TCP11L1: variants seen among roughly 807,000 people sequenced by gnomAD.
TCP11L1 encodes T-complex protein 11-like protein 1.
In TCP11L1, 28 loss-of-function variants were observed where a neutral mutation model predicts 48.9. The ratio of observed to expected loss-of-function variants is 0.57; its 90% CI spans 0.42 to 0.78. The LOEUF is 0.78. TCP11L1 is among the 30% of genes least tolerant of loss of function. The pLI, the probability that TCP11L1 is intolerant of heterozygous loss-of-function variation, is 0.00. For missense variants in TCP11L1, 505 were observed against 613.4 expected (o/e 0.82, Z 1.87); for synonymous variants, 204 against 231.9 (o/e 0.88, Z 1.09).
chr11:33,054,513 T>A (rs1854254538), intron 2 of TCP11L1, 80 bp from the exon 3 acceptor site: 2 of 1,532,124 alleles, frequency 1.3e-6, no homozygotes, highest in Admixed American at 4.2e-5. Flanking sequence ...TATTGTCTGG[T>A]ACCAGAACCA....
chr11:33,072,544 T>A lies in TCP11L1; in HGVS notation c.1398T>A (p.Pro466=). 6.2e-7 allele frequency: 1 copy of A among 1,614,126 alleles called. No individual in the cohort carries two copies. The highest frequency in any genetic ancestry group is 8.5e-7 in the Non-Finnish European group (1 of 1,180,016). ...SGHQKPLPTV[P]GGLSPVQREL... ...ATCAGAAGCCATTGCCCACAGTCCCTGGGGGACTCAGTCCAGTTCAGAGAG... is the reference window on the plus strand; with the variant it reads ...ATCAGAAGCCATTGCCCACAGTCCCAGGGGGACTCAGTCCAGTTCAGAGAG... The change falls in exon 10 of 10, where the codon CCT becomes CCA. Residue 466 remains proline, a synonymous_variant. Coordinates refer to ENST00000334274, the MANE Select transcript of TCP11L1 (RefSeq NM_018393.4).
At chr11:33,053,354 A>C (rs1481152169) in intron 2 of TCP11L1, among the ~76,000 whole-genome samples, 2 of 152,128 alleles carry the variant, frequency 1.3e-5, no homozygotes, top group African/African-American at 4.8e-5. Context: ...CATGTTGGCC[A>C]CGTGGGTCTC....
intron 5 of TCP11L1, 100 bp from the exon 6 acceptor site, chr11:33,058,859 G>A (rs1854391551): frequency 7.4e-7 from 1 of 1,347,672 alleles, no homozygotes; most frequent in Non-Finnish European, 1.0e-6. Flanking sequence ...GCCTCCCAAA[G>A]TGTTGGGATT....
intron 9 of TCP11L1, among the ~76,000 whole-genome samples, chr11:33,071,184 A>G (rs1205027131): frequency 6.6e-6 from 1 of 150,616 alleles, no homozygotes; most frequent in Non-Finnish European, 1.5e-5. Context: ...GCATGGTGGC[A>G]TGCGCCTGTA....
Position 33,066,008 on chromosome 11 carries a change from T to C in TCP11L1, c.1151T>C (p.Leu384Pro), listed in dbSNP as rs1307518407. 6.2e-7 allele frequency: 1 copy of C among 1,613,840 alleles called. No individual in the cohort carries two copies. Among genetic ancestry groups the C allele is most frequent in the African/African-American group, 1.3e-5 (1 of 74,924 alleles). ...IVKILLTDMHLPSFHLKDVLT... is the reference protein window; with the variant it reads ...IVKILLTDMHPPSFHLKDVLT... ...AAGATTTTGCTAACAGATATGCACC[T>C]GCCGTAAGTGGAACTTTGATGCGTG... The change falls in exon 8 of 10, where the codon CTG becomes CCG. Residue 384 changes from leucine to proline, a missense_variant. Leu to Pro is a moderately conservative substitution (Grantham distance 98). Around this residue, in one of 3 missense-constraint regions of TCP11L1, gnomAD observed 335 missense variants for 413.3 expected, o/e 0.81. Coordinates refer to ENST00000334274, the MANE Select transcript of TCP11L1 (RefSeq NM_018393.4).
intron 4 of TCP11L1, 75 bp downstream of exon 4, chr11:33,057,310 G>A (rs944184863): frequency 7.5e-6 from 12 of 1,593,872 alleles, no homozygotes; most frequent in Non-Finnish European, 4.3e-6. Flanking sequence ...GTCACCACCA[G>A]AAGACTTTAA....
chr11:33,050,698 G>A (rs555246362), intron 2 of TCP11L1, among the ~76,000 whole-genome samples: 3 of 152,176 alleles, frequency 2.0e-5, no homozygotes, highest in East Asian at 1.9e-4. Context: ...ATCATGGAAT[G>A]TACATTTTAA....
At chr11:33,058,292 G>T (rs11032132) in intron 5 of TCP11L1, among the ~76,000 whole-genome samples, 153 bp downstream of exon 5, 10,931 of 151,490 alleles carry the variant, frequency 0.072, 817 homozygotes, top group African/African-American at 0.19. Context: ...TCCACCTCCT[G>T]GATTCAAGCA....
intron 2 of TCP11L1, among the ~76,000 whole-genome samples, chr11:33,053,961 A>G (rs928682637): frequency 9.2e-5 from 14 of 152,062 alleles, no homozygotes; most frequent in African/African-American, 3.1e-4. Flanking sequence ...GACTACAGGC[A>G]TGCACCACCA....
At chr11:33,067,493 C>CT (rs1217353986) in intron 8 of TCP11L1, among the ~76,000 whole-genome samples, 1 of 152,196 alleles carries the variant, frequency 6.6e-6, no homozygotes, top group Non-Finnish European at 1.5e-5. Flanking sequence ...GGCCAGGAAA[C>CT]TTGTTTGCTC....
chr11:33,057,781 G>A (rs1854351653), intron 4 of TCP11L1, 138 bp from the exon 5 acceptor site: 1 of 726,714 alleles, frequency 1.4e-6, no homozygotes, highest in South Asian at 2.3e-5. Context: ...TTTTTCTGTA[G>A]GTTTGTTGAA....
At position 33,058,145 on chromosome 11, in the gene TCP11L1, G is replaced by A; in HGVS notation, c.638+6G>A. 6.2e-7 allele frequency: 1 copy of A among 1,608,044 alleles called. No homozygotes were observed. The highest frequency in any genetic ancestry group is 1.1e-5 in the South Asian group (1 of 90,648). On this transcript the variant is annotated splice_donor_region_variant and intron_variant, in intron 5 of 9. Transcript: ENST00000334274. Reference sequence around the variant, plus strand: ...GAAATAGTGCCCCTTTTCAGGTATGGAAATATGTTAATCATACTCCGTGCA... The same window carrying A: ...GAAATAGTGCCCCTTTTCAGGTATGAAAATATGTTAATCATACTCCGTGCA...
At chr11:33,054,822 T>G in intron 3 of TCP11L1, 97 bp downstream of exon 3, 1 of 1,366,780 alleles carries the variant, frequency 7.3e-7, no homozygotes, top group South Asian at 1.6e-5. Context: ...TTCAAACGTA[T>G]TTTTCCTTTT....
At chr11:33,057,319 A>T in intron 4 of TCP11L1, 84 bp downstream of exon 4, 2 of 1,577,098 alleles carry the variant, frequency 1.3e-6, no homozygotes, top group Non-Finnish European at 8.6e-7. Flanking sequence ...AGAAGACTTT[A>T]AAGAAATTGA....
intron 3 of TCP11L1, among the ~76,000 whole-genome samples, chr11:33,056,083 T>G (rs1854299555): frequency 6.6e-6 from 1 of 152,190 alleles, no homozygotes; most frequent in African/African-American, 2.4e-5. Flanking sequence ...CCCAAAGTGC[T>G]GGGACTACAG....
chr11:33,057,825 A>G (rs552400155), intron 4 of TCP11L1, 94 bp from the exon 5 acceptor site: 33 of 1,078,654 alleles, frequency 3.1e-5, no homozygotes, highest in Non-Finnish European at 4.1e-5. Context: ...TTACGTAGCA[A>G]TTGAGAAGCC....
intron 7 of TCP11L1, among the ~76,000 whole-genome samples, chr11:33,062,836 G>C (rs1854505659): frequency 6.6e-6 from 1 of 152,218 alleles, no homozygotes; most frequent in South Asian, 2.1e-4. Context: ...TTATGTTGTA[G>C]TATGTGTCAG....
At chr11:33,070,708 A>G (rs1321558500) in intron 9 of TCP11L1, among the ~76,000 whole-genome samples, 2 of 148,516 alleles carry the variant, frequency 1.3e-5, no homozygotes, top group South Asian at 2.2e-4. Flanking sequence ...AAAAAAAAGA[A>G]TAAGGGTGAT....
chr11:33,058,914 T>C (rs1854393422), intron 5 of TCP11L1, 45 bp from the exon 6 acceptor site: 1 of 1,602,816 alleles, frequency 6.2e-7, no homozygotes, highest in African/African-American at 1.3e-5. Flanking sequence ...TTTAATGCTA[T>C]GTTTACTTTA....
Sources: gnomAD v4.1 joint callset for allele counts (sites outside exome capture counted in the v4.1 genomes callset) on GRCh38, gnomAD v4.1.1 for gene constraint, gnomAD v4.1.1 regional missense constraint, MANE v1.5 for transcripts, NCBI Gene and HGNC (gene_info 2026-07-23, HGNC 2026-07-21) for gene names.